The following ENTREP1 variants were observed in gnomAD, a reference collection of about 807,000 sequenced individuals.
ENTREP1 encodes endosomal transmembrane epsin interactor 1, also known as Friedreich ataxia region gene X123.
chr9:69,378,401 T>C, the ENTREP1 span, among the ~76,000 whole-genome samples: 13 of 152,202 alleles, frequency 8.5e-5, no homozygotes, highest in Non-Finnish European at 1.6e-4. Context: ...AGGATTTTTA[T>C]TGGTACAGTG....
the ENTREP1 span, among the ~76,000 whole-genome samples, chr9:69,361,384 A>G: frequency 6.6e-6 from 1 of 152,188 alleles, no homozygotes; most frequent in African/African-American, 2.4e-5. Flanking sequence ...GGAATCATAC[A>G]GCACATGCCC....
the ENTREP1 span, among the ~76,000 whole-genome samples, chr9:69,339,323 T>C: frequency 6.6e-6 from 1 of 152,174 alleles, no homozygotes; most frequent in South Asian, 2.1e-4. Context: ...GCCTGGCTCA[T>C]ATGAATCTTA....
the ENTREP1 span, among the ~76,000 whole-genome samples, chr9:69,363,264 A>T: frequency 6.6e-6 from 1 of 152,190 alleles, no homozygotes; most frequent in Non-Finnish European, 1.5e-5. Context: ...AGTAAACCCC[A>T]ATGATGCATT....
chr9:69,365,719 A>ACT, the ENTREP1 span, among the ~76,000 whole-genome samples: 2 of 118,776 alleles, frequency 1.7e-5, no homozygotes, highest in Middle Eastern at 8.1e-3. Flanking sequence ...CTATAATTCT[A>ACT]CTCTCTCTCG....
At chr9:69,325,398 C>T in the ENTREP1 span, 3 of 1,093,048 alleles carry the variant, frequency 2.7e-6, no homozygotes, top group Non-Finnish European at 3.3e-6. Flanking sequence ...GGCGCCGCTG[C>T]CGCCGCCGCT....
the ENTREP1 span, chr9:69,371,350 A>G: frequency 2.7e-6 from 2 of 749,938 alleles, no homozygotes; most frequent in East Asian, 2.5e-5. Context: ...TAAAATGTGA[A>G]AAAAAGTTTG....
At chr9:69,325,556 G>A in the ENTREP1 span, 6 of 1,200,060 alleles carry the variant, frequency 5.0e-6, no homozygotes, top group African/African-American at 8.0e-5. Context: ...CGCCGCCGCT[G>A]CCGCCGCGGC....
the ENTREP1 span, chr9:69,388,065 C>T: frequency 1.0e-5 from 16 of 1,607,790 alleles, 1 homozygote; most frequent in South Asian, 1.8e-4. Context: ...CAGATGCTTT[C>T]CATGTTGAGT....
chr9:69,392,198 A>G, the ENTREP1 span: 1 of 227,378 alleles, frequency 4.4e-6, no homozygotes, highest in East Asian at 1.0e-4. Context: ...GCTGCTATTT[A>G]TAGTTGCCTT....
the ENTREP1 span, chr9:69,325,011 G>T: frequency 9.1e-6 from 9 of 985,280 alleles, no homozygotes; most frequent in Non-Finnish European, 9.6e-6. Flanking sequence ...GGACCCTGAG[G>T]CTGTGGCGCA....
the ENTREP1 span, among the ~76,000 whole-genome samples, chr9:69,378,756 CAAA>C: frequency 3.6e-5 from 5 of 139,280 alleles, no homozygotes; most frequent in Non-Finnish European, 6.4e-5. Flanking sequence ...GACTTTGTCT[CAAA>C]AAAAAAAAAA....
the ENTREP1 span, among the ~76,000 whole-genome samples, chr9:69,327,169 T>C: frequency 1.3e-5 from 2 of 152,208 alleles, no homozygotes; most frequent in Non-Finnish European, 2.9e-5. Flanking sequence ...TTGAATGAAC[T>C]TATTGGGGTA....
At chr9:69,328,661 T>TA in the ENTREP1 span, among the ~76,000 whole-genome samples, 89,256 of 149,654 alleles carry the variant, frequency 0.6, 27,240 homozygotes, top group South Asian at 0.68. Context: ...AAGGTTTCTA[T>TA]AAAAAAAAAA....
chr9:69,374,522 G>T, the ENTREP1 span, among the ~76,000 whole-genome samples: 1 of 152,078 alleles, frequency 6.6e-6, no homozygotes, highest in Non-Finnish European at 1.5e-5. Context: ...GGCTCTCCAC[G>T]TCTCCACCAG....
the ENTREP1 span, among the ~76,000 whole-genome samples, chr9:69,363,700 T>C: frequency 4.6e-5 from 7 of 152,178 alleles, no homozygotes; most frequent in Non-Finnish European, 8.8e-5. Flanking sequence ...GAATAACTCC[T>C]CCAGCCTCAC....
chr9:69,347,676 T>C, the ENTREP1 span, among the ~76,000 whole-genome samples: 1 of 152,154 alleles, frequency 6.6e-6, no homozygotes, highest in Admixed American at 6.5e-5. Flanking sequence ...TACCTGATAT[T>C]GATCAGACAA....
chr9:69,379,365 G>A, the ENTREP1 span, among the ~76,000 whole-genome samples: 1 of 152,290 alleles, frequency 6.6e-6, no homozygotes, highest in Admixed American at 6.5e-5. Flanking sequence ...ACTTGCCCAG[G>A]CAGGGGCAGA....
At chr9:69,334,261 A>T in the ENTREP1 span, among the ~76,000 whole-genome samples, 2 of 152,194 alleles carry the variant, frequency 1.3e-5, no homozygotes, top group Admixed American at 6.5e-5. Context: ...ATTTAAAGGG[A>T]TTGCAAGGTT....
the ENTREP1 span, among the ~76,000 whole-genome samples, chr9:69,341,521 G>T: frequency 1.3e-5 from 2 of 151,852 alleles, no homozygotes; most frequent in African/African-American, 2.4e-5. Context: ...TATAGGCTAG[G>T]TTGGTAAGAT....
Sources: gnomAD v4.1 joint callset for allele counts (sites outside exome capture counted in the v4.1 genomes callset) on GRCh38, gnomAD v4.1.1 for gene constraint, MANE v1.5 for transcripts, NCBI Gene and HGNC (gene_info 2026-07-23, HGNC 2026-07-21) for gene names.